DGCR2: variants seen among roughly 807,000 people sequenced by gnomAD.
DGCR2 encodes DiGeorge syndrome critical region gene 2.
A neutral mutation model predicts 51.6 loss-of-function variants in DGCR2; 24 were observed. That is an observed-to-expected ratio of 0.47 (90% CI 0.34 to 0.65). DGCR2 has a LOEUF of 0.65. Among genes scored for constraint, DGCR2 ranks in the 30% least tolerant of loss-of-function variants. DGCR2 has a pLI of 0.01. For synonymous variants in DGCR2, 340 were observed against 315.4 expected, an observed-to-expected ratio of 1.08 and a Z score of -0.82; for missense variants, 765 against 772.1, an observed-to-expected ratio of 0.99 and a Z score of 0.11.
intron 2 of DGCR2, among the ~76,000 whole-genome samples, chr22:19,074,507 A>G (rs117352899): frequency 0.021 from 3,222 of 152,264 alleles, 53 homozygotes; most frequent in Non-Finnish European, 0.033. Context: ...CACTGAAAGC[A>G]GGCAAGACCT....
intron 1 of DGCR2, among the ~76,000 whole-genome samples, chr22:19,103,416 CTTTTTTTTT>C (rs55877455): frequency 1.2e-4 from 8 of 67,734 alleles, no homozygotes; most frequent in East Asian, 5.1e-4. Flanking sequence ...AAAAAAAGTT[CTTTTTTTTT>C]TTTTTTTTTT....
At position 19,064,946 on chromosome 22, in the gene DGCR2, G is replaced by C; in HGVS notation, c.450C>G (p.Gly150=). The change falls in exon 4 of 10, where the codon GGC becomes GGG. Residue 150 remains glycine (G), a synonymous_variant. Coordinates refer to ENST00000263196, the MANE Select transcript of DGCR2 (RefSeq NM_005137.3). ...DAAQTCQRLN[G]SLATFSTDQE... ...GGTCAGTGGAGAAGGTGGCGAGAGA[G>C]CCATTCAGGCGCTGGCAGGTCTGCG... 6.2e-7 allele frequency: 1 copy of C among 1,614,018 alleles called. No individual in the cohort carries two copies. Among genetic ancestry groups the C allele is most frequent in the Non-Finnish European group, 8.5e-7 (1 of 1,180,046 alleles).
At position 19,115,309 on chromosome 22, in the gene DGCR2, C is replaced by G. The variant is rs115537459; in HGVS notation, c.79+6819G>C. Among the ~76,000 whole-genome samples the G allele has an allele frequency of 6.8e-3, 1,041 of 152,328 alleles. 14 individuals carry two copies. Among genetic ancestry groups the G allele is most frequent in the African/African-American group, 0.023 (976 of 41,566 alleles). ...CCCTCCCTCTGGGAGCCCCTCAACCCTCCACCCCAGGCTGGGCAGCTGGTG... is the reference window on the plus strand; with the variant it reads ...CCCTCCCTCTGGGAGCCCCTCAACCGTCCACCCCAGGCTGGGCAGCTGGTG... On this transcript the variant is annotated intron_variant, in intron 1 of 9. Coordinates refer to ENST00000263196, the MANE Select transcript of DGCR2 (RefSeq NM_005137.3).
chr22:19,060,809 T>A (rs529599345), intron 5 of DGCR2: 106 of 491,934 alleles, frequency 2.2e-4, no homozygotes, highest in African/African-American at 2.0e-3. Context: ...CAGGCTGGTG[T>A]GGGCCTGGGG....
At chr22:19,104,064 A>G (rs1351741278) in intron 1 of DGCR2, among the ~76,000 whole-genome samples, 2 of 152,146 alleles carry the variant, frequency 1.3e-5, no homozygotes, top group African/African-American at 4.8e-5. Flanking sequence ...CCAAGCATAC[A>G]TCCCATTAGC....
intron 2 of DGCR2, among the ~76,000 whole-genome samples, chr22:19,081,775 C>T (rs1569068605): frequency 6.6e-6 from 1 of 152,172 alleles, no homozygotes; most frequent in South Asian, 2.1e-4. Context: ...TGTAAAGAAG[C>T]ACATAAAATT....
At position 19,038,755 on chromosome 22, in the gene DGCR2, G is replaced by A; in HGVS notation, c.*110C>T. 1.4e-6 allele frequency: 2 copies of A among 1,418,584 alleles called. No homozygotes were observed. Among genetic ancestry groups the A allele is most frequent in the Non-Finnish European group, 1.9e-6 (2 of 1,039,468 alleles). 87.9% of individuals were successfully genotyped at this position (1,418,584 alleles called of 1,614,324 possible). ...CACGCGAGCCCGCCAGTGACGTGCG[G>A]CAGTGCGTGGCGTCCAGGCTGGGAC... is the stretch of plus-strand genomic sequence containing the variant. On this transcript the variant is annotated 3_prime_UTR_variant, in exon 10 of 10. Transcript: ENST00000263196.
intron 1 of DGCR2, among the ~76,000 whole-genome samples, chr22:19,090,287 T>C (rs2083064508): frequency 6.6e-6 from 1 of 152,178 alleles, no homozygotes; most frequent in Admixed American, 6.6e-5. Flanking sequence ...GGGGAAAATT[T>C]CCCAATTTGA....
In DGCR2 at chr22:19,114,062, GAAA is replaced by G. The variant is rs55948025; in HGVS notation, c.79+8063_79+8065del. Among the ~76,000 whole-genome samples, 60 of 80,982 alleles carry G rather than the reference GAAA, an allele frequency of 7.4e-4. 1 individual carries two copies. Among genetic ancestry groups the G allele is most frequent in the South Asian group, 3.5e-3 (8 of 2,288 alleles). The allele number at this position is 80,982 out of a possible 152,430, so 53.1% of individuals were successfully genotyped here. A position where few individuals can be genotyped will look rare whatever the true frequency, so the allele number is the denominator to read the frequency against. ...CAACAAAAGCAAGATTCCATTTGAG[GAAA>G]AAAAAAAAAAAAAAAAAAAAGAACG... On this transcript the variant is annotated intron_variant, in intron 1 of 9. Coordinates refer to ENST00000263196, the MANE Select transcript of DGCR2 (RefSeq NM_005137.3).
Position 19,102,701 on chromosome 22 carries a change from C to CAA in DGCR2, c.80-13213_80-13212dup, listed in dbSNP as rs560913993. Among the ~76,000 whole-genome samples, 6 of 132,312 alleles carry CAA rather than the reference C, an allele frequency of 4.5e-5. No homozygotes were observed. In the East Asian group the frequency reaches 8.9e-4, roughly 20 times the overall value. 86.8% of individuals were successfully genotyped at this position (132,312 alleles called of 152,430 possible). A position where few individuals can be genotyped will look rare whatever the true frequency, so the allele number is the denominator to read the frequency against. ...TGGGTGACAGAGCGAGACTCCGTCT[C>CAA]AAAAAAAAAAAGGTTAAAATGGGGC... On this transcript the variant is annotated intron_variant, in intron 1 of 9. Transcript: ENST00000263196.
At chr22:19,059,934 T>A (rs1003489570) in intron 5 of DGCR2, among the ~76,000 whole-genome samples, 3 of 151,786 alleles carry the variant, frequency 2.0e-5, no homozygotes, top group African/African-American at 7.3e-5. Flanking sequence ...AGACCTTCAC[T>A]CACTTTTCTG....
At chr22:19,063,450 T>G in intron 4 of DGCR2, among the ~76,000 whole-genome samples, 172 bp from the exon 5 acceptor site, 1 of 151,906 alleles carries the variant, frequency 6.6e-6, no homozygotes, top group Non-Finnish European at 1.5e-5. Context: ...GCAATTCTCC[T>G]GCCTCAGCCT....
intron 1 of DGCR2, among the ~76,000 whole-genome samples, chr22:19,118,657 G>A (rs2083399125): frequency 6.6e-6 from 1 of 152,172 alleles, no homozygotes; most frequent in Non-Finnish European, 1.5e-5. Context: ...GGGCCTAGCT[G>A]AGCACAGGCC....
intron 2 of DGCR2, among the ~76,000 whole-genome samples, chr22:19,079,764 C>T (rs1283682309): frequency 6.6e-6 from 1 of 152,246 alleles, no homozygotes; most frequent in East Asian, 1.9e-4. Flanking sequence ...CAGTCCCTGG[C>T]TCAAGCCCCC....
At chr22:19,058,206 A>G (rs978005772) in intron 5 of DGCR2, among the ~76,000 whole-genome samples, 1 of 152,188 alleles carries the variant, frequency 6.6e-6, no homozygotes, top group African/African-American at 2.4e-5. Context: ...CTGTGGACAC[A>G]TGGTGCCCTG....
chr22:19,063,772 T>C (rs939674325), intron 4 of DGCR2, among the ~76,000 whole-genome samples: 1 of 152,168 alleles, frequency 6.6e-6, no homozygotes, highest in African/African-American at 2.4e-5. Context: ...TTCTATGAGC[T>C]AAACCGGTAA....
chr22:19,091,002 T>C (rs1367760710), intron 1 of DGCR2, among the ~76,000 whole-genome samples: 3 of 76,538 alleles, frequency 3.9e-5, no homozygotes, highest in African/African-American at 1.8e-4. Flanking sequence ...TATATAGGCA[T>C]AAATAAGAGA....
chr22:19,097,639 T>C (rs2083156992), intron 1 of DGCR2, among the ~76,000 whole-genome samples: 1 of 152,218 alleles, frequency 6.6e-6, no homozygotes, highest in Non-Finnish European at 1.5e-5. Context: ...CCACACTTAG[T>C]GTCCATAACT....
intron 2 of DGCR2, among the ~76,000 whole-genome samples, chr22:19,084,072 A>G (rs1440173182): frequency 6.6e-6 from 1 of 151,514 alleles, no homozygotes; most frequent in Non-Finnish European, 1.5e-5. Flanking sequence ...GCTCGCTACA[A>G]CCTCCACCTC....
Sources: gnomAD v4.1 joint callset for allele counts (sites outside exome capture counted in the v4.1 genomes callset) on GRCh38, gnomAD v4.1.1 for gene constraint, MANE v1.5 for transcripts, NCBI Gene and HGNC (gene_info 2026-07-23, HGNC 2026-07-21) for gene names.